PRR16: variants seen among roughly 807,000 people sequenced by gnomAD.
PRR16 encodes protein Largen.
PRR16 carries 6 observed loss-of-function variants against 18.2 expected under a neutral mutation model. That is an observed-to-expected ratio of 0.33 (90% CI 0.18 to 0.65). The LOEUF is 0.65. Among genes scored for constraint, PRR16 ranks in the 30% least tolerant of loss-of-function variants. The pLI, the probability that PRR16 is intolerant of heterozygous loss-of-function variation, is 0.74. For missense variants in PRR16, 412 were observed against 376.6 expected (o/e 1.09, Z -0.78); for synonymous variants, 151 against 147.8 (o/e 1.02, Z -0.16).
At position 120,686,288 on chromosome 5, in the gene PRR16, A is replaced by G. The variant is rs1420951238; in HGVS notation, c.494A>G (p.Lys165Arg). The change falls in exon 2 of 2, where the codon AAA (lysine) becomes AGA (arginine). Residue 165 changes from lysine to arginine, a missense_variant. Coordinates refer to ENST00000407149, the MANE Select transcript of PRR16 (RefSeq NM_001300783.2). The part of the protein sequence containing the change: ...RNGGLPGGPN[K>R]IPNGDICCIP... ...GGAGGCTTACCAGGTGGACCTAACA[A>G]AATTCCAAATGGAGATATCTGCTGC... 2 of 1,613,998 alleles carry G rather than the reference A, an allele frequency of 1.2e-6. No individual in the cohort carries two copies. Among genetic ancestry groups the G allele is most frequent in the African/African-American group, 2.7e-5 (2 of 74,918 alleles).
chr5:120,493,945 A>G (rs1440580454), intron 1 of PRR16, among the ~76,000 whole-genome samples: 1 of 152,098 alleles, frequency 6.6e-6, no homozygotes, highest in African/African-American at 2.4e-5. Context: ...GCTGAAGGAC[A>G]TTTGGGTTGT....
the PRR16 span, among the ~76,000 whole-genome samples, chr5:120,714,889 CAG>C: frequency 6.6e-6 from 1 of 152,030 alleles, no homozygotes; most frequent in Non-Finnish European, 1.5e-5. Flanking sequence ...AACACAGGAA[CAG>C]AAAACCAAAC....
chr5:120,643,816 C>T (rs1755502627), intron 1 of PRR16, among the ~76,000 whole-genome samples: 1 of 151,994 alleles, frequency 6.6e-6, no homozygotes. Flanking sequence ...ACCAACGTGG[C>T]CAACATGGTG....
At chr5:120,773,424 A>C in the PRR16 span, among the ~76,000 whole-genome samples, 44,481 of 151,980 alleles carry the variant, frequency 0.29, 6,936 homozygotes, top group Non-Finnish European at 0.34. Context: ...TACAGCTATC[A>C]AATCAATGTT....
At chr5:120,516,896 C>A (rs921252808) in intron 1 of PRR16, among the ~76,000 whole-genome samples, 10 of 152,062 alleles carry the variant, frequency 6.6e-5, no homozygotes, top group African/African-American at 2.4e-4. Flanking sequence ...TGGTACCTAC[C>A]AGCAGGCTTT....
At chr5:120,562,829 T>C (rs541136176) in intron 1 of PRR16, among the ~76,000 whole-genome samples, 1 of 152,178 alleles carries the variant, frequency 6.6e-6, no homozygotes, top group African/African-American at 2.4e-5. Flanking sequence ...TTATGTCTTA[T>C]TGTATTGTCT....
the PRR16 span, among the ~76,000 whole-genome samples, chr5:120,775,632 C>CTTTTTTTTTTTTTTTTTTTT: frequency 7.3e-6 from 1 of 137,570 alleles, no homozygotes. Flanking sequence ...TTTCTTTCTC[C>CTTTTTTTTTTTTTTTTTTTT]TTTTTTTTTT....
At chr5:120,573,995 G>T (rs1010090366) in intron 1 of PRR16, among the ~76,000 whole-genome samples, 7 of 151,472 alleles carry the variant, frequency 4.6e-5, no homozygotes, top group African/African-American at 1.5e-4. Flanking sequence ...ACATTACAGA[G>T]TATAGAAAAA....
the PRR16 span, among the ~76,000 whole-genome samples, chr5:120,758,384 T>C: frequency 1.3e-5 from 2 of 151,946 alleles, no homozygotes; most frequent in African/African-American, 4.8e-5. Flanking sequence ...TATCAGCTTT[T>C]ATATATGATC....
intron 1 of PRR16, among the ~76,000 whole-genome samples, chr5:120,494,375 T>A (rs1279678448): frequency 5.9e-5 from 9 of 152,006 alleles, no homozygotes; most frequent in Non-Finnish European, 1.3e-4. Context: ...GGGGTCTTGC[T>A]ATGTTGCCCA....
the PRR16 span, among the ~76,000 whole-genome samples, chr5:120,740,579 T>A: frequency 6.6e-6 from 1 of 152,166 alleles, no homozygotes; most frequent in African/African-American, 2.4e-5. Context: ...TTCTTTGGCC[T>A]ACTTTTGTAT....
intron 1 of PRR16, among the ~76,000 whole-genome samples, chr5:120,650,323 C>A (rs1234987237): frequency 6.7e-6 from 1 of 149,910 alleles, no homozygotes; most frequent in Non-Finnish European, 1.5e-5. Context: ...GATTTTTTTT[C>A]TTTTTTCTTT....
the PRR16 span, among the ~76,000 whole-genome samples, chr5:120,706,993 A>T: frequency 6.6e-5 from 10 of 152,168 alleles, no homozygotes; most frequent in Admixed American, 6.5e-4. Flanking sequence ...TGATGATTAC[A>T]TTTCAAAGGA....
intron 1 of PRR16, among the ~76,000 whole-genome samples, chr5:120,669,943 G>C (rs1477620752): frequency 1.3e-5 from 2 of 151,948 alleles, no homozygotes; most frequent in Non-Finnish European, 2.9e-5. Flanking sequence ...GCGTTTATAT[G>C]ACTACCAAAG....
the PRR16 span, among the ~76,000 whole-genome samples, chr5:120,715,727 A>G: frequency 6.6e-6 from 1 of 152,094 alleles, no homozygotes; most frequent in Non-Finnish European, 1.5e-5. Context: ...TTCTTTTGTT[A>G]TTTTTTATGT....
At chr5:120,651,274 A>G (rs1031195267) in intron 1 of PRR16, among the ~76,000 whole-genome samples, 22 of 152,228 alleles carry the variant, frequency 1.4e-4, no homozygotes, top group Middle Eastern at 3.4e-3. Flanking sequence ...CCCATTCTGT[A>G]GGTTGCCTGT....
intron 1 of PRR16, among the ~76,000 whole-genome samples, chr5:120,677,978 C>T (rs767634231): frequency 1.5e-5 from 2 of 132,320 alleles, no homozygotes; most frequent in African/African-American, 5.8e-5. Flanking sequence ...GGCGCGATCT[C>T]GGCTCACTGC....
chr5:120,565,928 T>C (rs764818344), intron 1 of PRR16, among the ~76,000 whole-genome samples: 7 of 152,236 alleles, frequency 4.6e-5, no homozygotes, highest in Non-Finnish European at 1.0e-4. Context: ...TTTTGATAGT[T>C]TGATTTAGCT....
chr5:120,538,818 G>C (rs1334801189), intron 1 of PRR16, among the ~76,000 whole-genome samples: 2 of 152,198 alleles, frequency 1.3e-5, no homozygotes, highest in African/African-American at 4.8e-5. Flanking sequence ...TTTCCCAGTA[G>C]TTATAGTTGG....
Sources: gnomAD v4.1 joint callset for allele counts (sites outside exome capture counted in the v4.1 genomes callset) on GRCh38, gnomAD v4.1.1 for gene constraint, MANE v1.5 for transcripts, NCBI Gene and HGNC (gene_info 2026-07-23, HGNC 2026-07-21) for gene names.